CYB5R2: variants seen among roughly 807,000 people sequenced by gnomAD.
CYB5R2 encodes the protein cytochrome b5 reductase 2.
Under a neutral mutation model 29.8 loss-of-function variants are expected in CYB5R2, and 35 were observed. The ratio of observed to expected loss-of-function variants is 1.17; its 90% CI spans 0.90 to 1.56. The LOEUF is 1.56. Among genes scored for constraint, CYB5R2 ranks in the 40% most tolerant of loss-of-function variants. The pLI is 0.00. For synonymous variants in CYB5R2, 169 were observed against 130.6 expected (o/e 1.29, Z -2.01); for missense variants, 419 against 346.7 (o/e 1.21, Z -1.66).
rs140835426 is a variant in CYB5R2 at position 7,667,786 on chromosome 11, C to T, written c.500G>A (p.Arg167His). 2.7e-5 allele frequency: 43 copies of T among 1,614,038 alleles called. No individual in the cohort carries two copies. The highest frequency in any genetic ancestry group is 3.5e-5 in the Non-Finnish European group (41 of 1,180,020). Residue 167 changes from arginine (R) to histidine (H), a missense_variant, in exon 7 of 9, where the codon CGC (arginine) becomes CAC (histidine). Physicochemically the swap from Arg to His is conservative, Grantham distance 29 (BLOSUM62 0). Coordinates refer to ENST00000299498, the MANE Select transcript of CYB5R2 (RefSeq NM_016229.5). ...TGITPMLQLI[R>H]HITKDPSDRT... ...GTCACTGGGGTCCTTGGTGATGTGG[C>T]GAATGAGCTGCAACATGGGTGTGAT...
At position 7,666,053 on chromosome 11, in the gene CYB5R2, A is replaced by C. The variant is rs886221209; in HGVS notation, c.658+398T>G. On this transcript the variant is annotated intron_variant, in intron 8 of 8. Transcript: ENST00000299498. ...GGCTGCAGCAGCTGTCTGGGGGCTCAGCATGTCCAGGTGAGGTGGGCGGTA... is the reference window on the plus strand; with the variant it reads ...GGCTGCAGCAGCTGTCTGGGGGCTCCGCATGTCCAGGTGAGGTGGGCGGTA... 80 of 751,264 alleles carry C rather than the reference A, an allele frequency of 1.1e-4. No individual in the cohort carries two copies. The African/African-American group carries it at 1.1e-3, about 10-fold the overall frequency. The allele number at this position is 751,264 out of a possible 1,614,324, so 46.5% of individuals were successfully genotyped here.
chr11:7,670,071 C>T (rs560901387), intron 3 of CYB5R2: 2 of 258,790 alleles, frequency 7.7e-6, no homozygotes, highest in East Asian at 1.3e-4. Context: ...TTAAAAATTA[C>T]AGAAAGGGGT....
intron 3 of CYB5R2, 98 bp from the exon 4 acceptor site, chr11:7,669,829 G>A (rs1362575879): frequency 4.6e-6 from 4 of 868,736 alleles, no homozygotes; most frequent in Non-Finnish European, 7.6e-6. Flanking sequence ...CAAATACTGG[G>A]GGCACAATGT....
chr11:7,673,575 T>C, upstream of CYB5R2: 2 of 983,848 alleles, frequency 2.0e-6, no homozygotes, highest in Non-Finnish European at 2.4e-6. Flanking sequence ...TCCCCACGCC[T>C]CCCGCTCCGG....
At chr11:7,670,634 T>G (rs750020497) in intron 3 of CYB5R2, 1 of 152,192 alleles carries the variant, frequency 6.6e-6, no homozygotes, top group Non-Finnish European at 1.5e-5. Context: ...ACCATGTAAC[T>G]CTGCCCTTCC....
chr11:7,673,599 G>C, upstream of CYB5R2: 1 of 985,030 alleles, frequency 1.0e-6, no homozygotes, highest in Non-Finnish European at 1.2e-6. Context: ...CCAACCTCCC[G>C]GTCGGACGTT....
At chr11:7,668,349 T>G in intron 6 of CYB5R2, 129 bp downstream of exon 6, 1 of 790,228 alleles carries the variant, frequency 1.3e-6, no homozygotes, top group South Asian at 1.4e-5. Context: ...CTGTCACTGG[T>G]TCATCGTTCC....
At chr11:7,673,226 G>T in intron 1 of CYB5R2, 193 bp downstream of exon 1, 2 of 451,086 alleles carry the variant, frequency 4.4e-6, no homozygotes, top group Non-Finnish European at 6.9e-6. Context: ...AGGTGAAGGG[G>T]GAGGACATCA....
chr11:7,666,187 G>A (rs937332838), intron 8 of CYB5R2: 4 of 596,078 alleles, frequency 6.7e-6, no homozygotes, highest in South Asian at 6.1e-5. Context: ...CAGTGGACAG[G>A]GGCAGTGTCC....
chr11:7,673,892 G>T (rs1855925591), upstream of CYB5R2: 1 of 999,178 alleles, frequency 1.0e-6, no homozygotes, highest in East Asian at 1.1e-4. Flanking sequence ...CCCGCAGGCT[G>T]GGACCCCGGC....
intron 3 of CYB5R2, 148 bp from the exon 4 acceptor site, chr11:7,669,879 A>C: frequency 1.6e-6 from 1 of 639,586 alleles, no homozygotes; most frequent in Non-Finnish European, 2.8e-6. Flanking sequence ...AGGAACCCAA[A>C]TATGGGATGC....
upstream of CYB5R2, chr11:7,674,017 T>A: frequency 1.7e-6 from 2 of 1,164,744 alleles, no homozygotes; most frequent in Non-Finnish European, 2.1e-6. Flanking sequence ...GGCGGGGCGC[T>A]GAGCCGTGGC....
intron 1 of CYB5R2, 181 bp from the exon 2 acceptor site, chr11:7,673,072 G>A: frequency 3.6e-6 from 2 of 554,442 alleles, no homozygotes; most frequent in East Asian, 3.7e-5. Flanking sequence ...GTGGACCAGA[G>A]GGTAGGGAGG....
chr11:7,674,162 G>A (rs1032510897), upstream of CYB5R2: 7 of 1,234,942 alleles, frequency 5.7e-6, no homozygotes, highest in Non-Finnish European at 6.2e-6. Context: ...GGCGGAGGGG[G>A]ATGCTGGGGA....
At position 7,666,628 on chromosome 11, in the gene CYB5R2, A is replaced by T. The variant is rs1269164579; in HGVS notation, c.559-78T>A. The stretch of plus-strand genomic sequence containing the variant: ...CTGGACTGACTACACCGGTCAGCAT[A>T]CTCCTGGCCAAAGCTGCCACCACTC... On this transcript the variant is annotated intron_variant, in intron 7 of 8. Transcript: ENST00000299498. 3 of 1,046,122 alleles carry T rather than the reference A, an allele frequency of 2.9e-6. No individual in the cohort carries two copies. The Admixed American group carries it at 6.5e-5, about 23-fold the overall frequency. 64.8% of individuals were successfully genotyped at this position (1,046,122 alleles called of 1,614,324 possible).
chr11:7,671,220 G>C (rs917752700), intron 3 of CYB5R2: 2 of 152,336 alleles, frequency 1.3e-5, no homozygotes, highest in Admixed American at 6.5e-5. Context: ...ACCTGGAAAG[G>C]CTCTTTCATA....
chr11:7,667,333 GAAAA>G (rs200214286), intron 7 of CYB5R2: 2 of 145,914 alleles, frequency 1.4e-5, no homozygotes, highest in African/African-American at 2.5e-5. Context: ...AATGCTGAGT[GAAAA>G]AAAAAAAGCA....
At chr11:7,665,719 T>G (rs1048188892) in intron 8 of CYB5R2, 173 bp from the exon 9 acceptor site, 4 of 1,162,498 alleles carry the variant, frequency 3.4e-6, no homozygotes, top group African/African-American at 3.1e-5. Flanking sequence ...TAAACAGCCC[T>G]CTGCAGCAAT....
At chr11:7,670,052 G>A (rs534520479) in intron 3 of CYB5R2, 1 of 287,722 alleles carries the variant, frequency 3.5e-6, no homozygotes, top group South Asian at 3.8e-5. Flanking sequence ...TAAAGTTGGA[G>A]AGTGAGTATT....
Sources: allele counts gnomAD v4.1 joint callset, GRCh38; gene constraint gnomAD v4.1.1; transcripts MANE v1.5; gene names NCBI Gene and HGNC (gene_info 2026-07-23, HGNC 2026-07-21).